Variants in HSD17B2 observed in about 807,000 individuals in gnomAD.
HSD17B2 encodes the protein hydroxysteroid 17-beta dehydrogenase 2.
In HSD17B2, 32 loss-of-function variants were observed where a neutral mutation model predicts 26.9. The observed-to-expected ratio is 1.19, with a 90% CI of 0.90 to 1.60. HSD17B2 has a LOEUF of 1.60. Among genes scored for constraint, HSD17B2 ranks in the 40% most tolerant of loss-of-function variants. HSD17B2 has a pLI of 0.00. For missense variants in HSD17B2, 613 were observed against 468.6 expected (o/e 1.31, Z -2.85); for synonymous variants, 246 against 186.7 (o/e 1.32, Z -2.59).
chr16:82,048,952 A>G (rs1022861709), intron 1 of HSD17B2, among the ~76,000 whole-genome samples: 7 of 152,232 alleles, frequency 4.6e-5, no homozygotes, highest in African/African-American at 1.7e-4. Context: ...ATCAAAGAAG[A>G]CAAAGGACAA....
At chr16:82,055,732 A>G (rs1047033096) in intron 1 of HSD17B2, among the ~76,000 whole-genome samples, 7 of 152,266 alleles carry the variant, frequency 4.6e-5, no homozygotes, top group African/African-American at 1.7e-4. Context: ...CTGGGGAGAG[A>G]TGTGGTAAGA....
intron 3 of HSD17B2, chr16:82,090,202 C>T (rs1904643364): frequency 1.0e-6 from 1 of 976,504 alleles, no homozygotes; most frequent in Non-Finnish European, 1.2e-6. Context: ...CTCCTCCCCA[C>T]AAAAAGATAT....
chr16:82,076,536 A>C (rs547118223), intron 3 of HSD17B2, among the ~76,000 whole-genome samples: 3 of 152,370 alleles, frequency 2.0e-5, no homozygotes, highest in African/African-American at 7.2e-5. Flanking sequence ...AAATTCAGTC[A>C]AGTTGCAGGA....
chr16:82,072,704 G>C (rs1424467142), intron 3 of HSD17B2, among the ~76,000 whole-genome samples: 1 of 152,168 alleles, frequency 6.6e-6, no homozygotes, highest in East Asian at 1.9e-4. Flanking sequence ...GTGAAGAAAT[G>C]CAAGTGTATG....
At chr16:82,073,870 C>T (rs994756965) in intron 3 of HSD17B2, among the ~76,000 whole-genome samples, 1 of 152,034 alleles carries the variant, frequency 6.6e-6, no homozygotes, top group Non-Finnish European at 1.5e-5. Context: ...TAATATGGAA[C>T]CAAAAAAGAA....
chr16:82,083,617 C>G (rs1045301202), intron 3 of HSD17B2, among the ~76,000 whole-genome samples: 3 of 152,160 alleles, frequency 2.0e-5, no homozygotes, highest in African/African-American at 7.2e-5. Context: ...ACCATCCCAC[C>G]ATGAGGATCT....
At chr16:82,039,338 AGAGAGAGAGAGAGG>A (rs1331840811) in intron 1 of HSD17B2, among the ~76,000 whole-genome samples, 1 of 151,532 alleles carries the variant, frequency 6.6e-6, no homozygotes, top group East Asian at 1.9e-4. Flanking sequence ...GATGAGAGAG[AGAGAGAGAGAGAGG>A]GAGAGAGAGA....
intron 1 of HSD17B2, among the ~76,000 whole-genome samples, chr16:82,042,778 T>C (rs1458503867): frequency 1.3e-5 from 2 of 152,078 alleles, no homozygotes; most frequent in East Asian, 3.9e-4. Context: ...CCCACCACCA[T>C]GCTCAGCTAA....
chr16:82,073,193 A>G (rs1167923754), intron 3 of HSD17B2, among the ~76,000 whole-genome samples: 2 of 152,146 alleles, frequency 1.3e-5, no homozygotes, highest in African/African-American at 4.8e-5. Flanking sequence ...ATGTTAAAAT[A>G]AATAACATAT....
chr16:82,056,395 G>A (rs1225945413), intron 1 of HSD17B2: 1 of 152,066 alleles, frequency 6.6e-6, no homozygotes, highest in African/African-American at 2.4e-5. Flanking sequence ...ATACATGGTT[G>A]GAACATTAAC....
intron 3 of HSD17B2, chr16:82,090,312 T>TTC (rs1904650530): frequency 3.5e-6 from 1 of 282,662 alleles, no homozygotes; most frequent in Non-Finnish European, 4.8e-6. Flanking sequence ...GTTTTTTTTT[T>TTC]TTTTTTTTTT....
At chr16:82,072,469 A>C (rs943068534) in intron 3 of HSD17B2, among the ~76,000 whole-genome samples, 1 of 152,198 alleles carries the variant, frequency 6.6e-6, no homozygotes, top group Non-Finnish European at 1.5e-5. Context: ...TACTTCTGGG[A>C]ACGTCTCACA....
chr16:82,055,433 T>C (rs1914236845), intron 1 of HSD17B2, among the ~76,000 whole-genome samples: 1 of 152,206 alleles, frequency 6.6e-6, no homozygotes, highest in Non-Finnish European at 1.5e-5. Context: ...CTTGGATGGT[T>C]TTATATGTTG....
At chr16:82,094,442 G>A (rs1488965376) in intron 4 of HSD17B2, 1 of 152,278 alleles carries the variant, frequency 6.6e-6, no homozygotes, top group African/African-American at 2.4e-5. Context: ...TGCTGAGTTG[G>A]GGTGGATAAC....
chr16:82,095,572 G>A (rs1026622132), intron 4 of HSD17B2: 1 of 152,256 alleles, frequency 6.6e-6, no homozygotes, highest in Non-Finnish European at 1.5e-5. Flanking sequence ...TGTACTTTGA[G>A]GACTCTTGCC....
chr16:82,068,815 C>G (rs1023990300), intron 2 of HSD17B2, among the ~76,000 whole-genome samples: 4 of 152,196 alleles, frequency 2.6e-5, no homozygotes, highest in African/African-American at 9.7e-5. Context: ...CTGTGATTCT[C>G]TTCCTCACCT....
intron 1 of HSD17B2, among the ~76,000 whole-genome samples, chr16:82,060,038 A>G (rs1334630165): frequency 6.6e-6 from 1 of 152,240 alleles, no homozygotes; most frequent in African/African-American, 2.4e-5. Context: ...CTCTTCCTGG[A>G]TTAAGAGTTG....
intron 1 of HSD17B2, among the ~76,000 whole-genome samples, chr16:82,037,530 G>A (rs551289898): frequency 3.9e-5 from 6 of 152,224 alleles, no homozygotes; most frequent in Middle Eastern, 3.4e-3. Context: ...CATACATATG[G>A]TTCCTTTATC....
intron 1 of HSD17B2, among the ~76,000 whole-genome samples, chr16:82,062,828 G>C (rs1424807038): frequency 3.3e-5 from 5 of 152,170 alleles, no homozygotes; most frequent in Non-Finnish European, 7.3e-5. Flanking sequence ...CAGGTTTCCG[G>C]AGTATACAAT....
Sources: allele counts gnomAD v4.1 joint callset (sites outside exome capture counted in the v4.1 genomes callset), GRCh38; gene constraint gnomAD v4.1.1; transcripts MANE v1.5; gene names NCBI Gene and HGNC (gene_info 2026-07-23, HGNC 2026-07-21).